The following MYO1E variants were observed in gnomAD, a reference collection of about 807,000 sequenced individuals.
MYO1E encodes the protein unconventional myosin-Ie.
In MYO1E, 68 loss-of-function variants were observed where a neutral mutation model predicts 151.1. The observed-to-expected ratio is 0.45, with a 90% CI of 0.37 to 0.55. The LOEUF (loss-of-function observed/expected upper bound fraction) is 0.55, where lower values mean the gene tolerates loss of function less well. MYO1E is among the 20% of genes least tolerant of loss of function. The pLI, the probability that MYO1E is intolerant of heterozygous loss-of-function variation, is 0.00. For missense variants in MYO1E, 1,363 were observed against 1,389.3 expected, an observed-to-expected ratio of 0.98 and a Z score of 0.30; for synonymous variants, 601 against 501.7, an observed-to-expected ratio of 1.20 and a Z score of -2.64.
intron 1 of MYO1E, among the ~76,000 whole-genome samples, chr15:59,276,812 G>A (rs1040976070): frequency 6.6e-6 from 1 of 152,096 alleles, no homozygotes; most frequent in Non-Finnish European, 1.5e-5. Flanking sequence ...TGTTTACCAG[G>A]GTGGGGACCA....
intron 12 of MYO1E, among the ~76,000 whole-genome samples, chr15:59,212,061 C>G (rs12917112): frequency 6.6e-6 from 1 of 152,138 alleles, no homozygotes; most frequent in African/African-American, 2.4e-5. Flanking sequence ...CACCCAAAGT[C>G]TCAGCCATGC....
At position 59,223,128 on chromosome 15, in the gene MYO1E, C is replaced by A. The variant is rs1280405023; in HGVS notation, c.841G>T (p.Gly281Cys). The A allele has an allele frequency of 1.1e-5, 17 of 1,614,060 alleles. No homozygotes were observed. Among genetic ancestry groups the A allele is most frequent in the Non-Finnish European group, 1.4e-5 (17 of 1,180,040 alleles). Residue 281 changes from glycine to cysteine, a missense_variant, in exon 9 of 28, where the codon GGT (glycine) becomes TGT (cysteine). Coordinates refer to ENST00000288235, the MANE Select transcript of MYO1E (RefSeq NM_004998.4). ...CTGATGTTTCCCAGGTGGAGAATAC[C>A]CGCCACTATCTGCAACACCAGCGTT... ...EQTLVLQIVA[G>C]ILHLGNISFK...
chr15:59,152,601 G>A (rs765974019), intron 26 of MYO1E, among the ~76,000 whole-genome samples: 36 of 152,200 alleles, frequency 2.4e-4, no homozygotes, highest in Non-Finnish European at 4.6e-4. Flanking sequence ...AGAGTTAAGT[G>A]AGCAGACGCC....
chr15:59,271,377 A>G lies in MYO1E; in HGVS notation c.147+929T>C, dbSNP rs554903488. ...CACTTTTTAATAAGTCATCCATGAT[A>G]CCATACTTTCAGAAGGCACTATTGG... On this transcript the variant is annotated intron_variant, in intron 2 of 27. Coordinates refer to ENST00000288235, the MANE Select transcript of MYO1E (RefSeq NM_004998.4). Among the ~76,000 whole-genome samples, 40 of 152,344 alleles carry G rather than the reference A, an allele frequency of 2.6e-4. No individual in the cohort carries two copies. In the South Asian group the frequency reaches 8.3e-3, roughly 32 times the overall value.
chr15:59,314,453 T>C (rs948403728), intron 1 of MYO1E, among the ~76,000 whole-genome samples: 1 of 152,152 alleles, frequency 6.6e-6, no homozygotes, highest in Non-Finnish European at 1.5e-5. Flanking sequence ...CCTGATTCCC[T>C]CTCTGCAGGA....
At chr15:59,186,205 C>T (rs2079696540) in intron 18 of MYO1E, among the ~76,000 whole-genome samples, 1 of 152,098 alleles carries the variant, frequency 6.6e-6, no homozygotes, top group African/African-American at 2.4e-5. Context: ...TATTAGGAAA[C>T]TCAAATGTGG....
chr15:59,181,594 T>C (rs1359873775), intron 18 of MYO1E, among the ~76,000 whole-genome samples: 2 of 152,238 alleles, frequency 1.3e-5, no homozygotes, highest in African/African-American at 4.8e-5. Context: ...CATCTTTTGA[T>C]TTTTGCTCTC....
intron 1 of MYO1E, among the ~76,000 whole-genome samples, chr15:59,294,107 A>C (rs548296587): frequency 6.6e-6 from 1 of 152,338 alleles, no homozygotes; most frequent in African/African-American, 2.4e-5. Flanking sequence ...TTCCCACTGG[A>C]AAGAGCGTCT....
chr15:59,221,254 C>A (rs996907848), intron 9 of MYO1E, among the ~76,000 whole-genome samples: 1 of 151,826 alleles, frequency 6.6e-6, no homozygotes, highest in African/African-American at 2.4e-5. Context: ...CAGGTGATCA[C>A]CTGCCTCAGC....
rs757642502 is a variant in MYO1E, at chr15:59,171,927, T to C, written c.2450A>G (p.Glu817Gly). The change falls in exon 22 of 28, where the codon GAG becomes GGG. Residue 817 changes from glutamate to glycine, a missense_variant. Coordinates refer to ENST00000288235, the MANE Select transcript of MYO1E (RefSeq NM_004998.4). ...GGACACAGACAAGATCCGTTCTATC[T>C]CGATTTTCCGCTTCAGGACTTCTTT... Reference protein sequence around the residue: ...LVKEVLKRKIEIERILSVSLS... With the variant: ...LVKEVLKRKIGIERILSVSLS... 5 of 1,614,060 alleles carry C rather than the reference T, an allele frequency of 3.1e-6. No homozygotes were observed. Among genetic ancestry groups the C allele is most frequent in the Non-Finnish European group, 4.2e-6 (5 of 1,180,042 alleles).
chr15:59,137,401 G>T lies in MYO1E; in HGVS notation c.3306C>A (p.Asn1102Lys). ...RLRGKQGLFPNNYVTKI is the reference protein window; with the variant it reads ...RLRGKQGLFPKNYVTKI ...CACCTCAGATCTTGGTCACATAGTT[G>T]TTGGGGAACAGGCCCTGCTTGCCTC... The change falls in exon 28 of 28, where the codon AAC (asparagine) becomes AAA (lysine). Residue 1102 changes from asparagine (N) to lysine (K), a missense_variant. Transcript: ENST00000288235. 1 of 1,614,166 alleles carries T rather than the reference G, an allele frequency of 6.2e-7. No homozygotes were observed. The highest frequency in any genetic ancestry group is 1.6e-4 in the Middle Eastern group (1 of 6,062).
intron 17 of MYO1E, among the ~76,000 whole-genome samples, chr15:59,188,485 C>G (rs534623817): frequency 1.0e-3 from 152 of 152,152 alleles, no homozygotes; most frequent in Non-Finnish European, 1.5e-3. Context: ...CACCTGAGGT[C>G]AGGAGTTCAA....
rs1199941202 is a variant in MYO1E, at chr15:59,153,719, T to C, written c.2951A>G (p.Asn984Ser). The C allele has an allele frequency of 6.2e-7, 1 of 1,614,134 alleles. No individual in the cohort carries two copies. Among genetic ancestry groups the C allele is most frequent in the African/African-American group, 1.3e-5 (1 of 75,034 alleles). Residue 984 changes from asparagine to serine, a missense_variant, in exon 26 of 28, where the codon AAT (asparagine) becomes AGT (serine). Physicochemically the swap from Asn to Ser is conservative, Grantham distance 46 (BLOSUM62 1). Coordinates refer to ENST00000288235, the MANE Select transcript of MYO1E (RefSeq NM_004998.4). ...CATGGAGGTGTACAGGCTTTTCTGA[T>C]TGGACCTCTGGCTTCCAGGAGCATG... Reference protein sequence around the residue: ...YPHAPGSQRSNQKSLYTSMAR... With the variant: ...YPHAPGSQRSSQKSLYTSMAR...
At chr15:59,343,932 T>G (rs1305345274) in intron 1 of MYO1E, among the ~76,000 whole-genome samples, 1 of 152,174 alleles carries the variant, frequency 6.6e-6, no homozygotes, top group African/African-American at 2.4e-5. Flanking sequence ...TACCTTGAAT[T>G]TGAGTTTCCT....
At chr15:59,310,647 TTG>T (rs1417386115) in intron 1 of MYO1E, among the ~76,000 whole-genome samples, 7 of 152,108 alleles carry the variant, frequency 4.6e-5, no homozygotes, top group African/African-American at 1.7e-4. Context: ...GCCTTCGGAA[TTG>T]TGAGAACACA....
At chr15:59,261,386 A>C in intron 3 of MYO1E, 34 bp downstream of exon 3, 1 of 1,465,546 alleles carries the variant, frequency 6.8e-7, no homozygotes, top group African/African-American at 1.4e-5. Flanking sequence ...AAAAGCCCTA[A>C]ATAAGGCAGT....
chr15:59,320,688 G>A (rs946963569), intron 1 of MYO1E, among the ~76,000 whole-genome samples: 1 of 152,152 alleles, frequency 6.6e-6, no homozygotes, highest in Non-Finnish European at 1.5e-5. Context: ...ATTAACCCAA[G>A]ATGGATTAAA....
chr15:59,267,872 T>C (rs369729080), intron 2 of MYO1E, among the ~76,000 whole-genome samples: 1 of 152,180 alleles, frequency 6.6e-6, no homozygotes, highest in Admixed American at 6.5e-5. Context: ...ATAGGACAAA[T>C]AACTCAAAAA....
intron 18 of MYO1E, among the ~76,000 whole-genome samples, chr15:59,187,390 A>G (rs2079704887): frequency 6.6e-6 from 1 of 152,214 alleles, no homozygotes; most frequent in Admixed American, 6.5e-5. Context: ...ACCATCATGA[A>G]ATACCACTCC....
Sources: gnomAD v4.1 joint callset for allele counts (sites outside exome capture counted in the v4.1 genomes callset) on GRCh38, gnomAD v4.1.1 for gene constraint, MANE v1.5 for transcripts, NCBI Gene and HGNC (gene_info 2026-07-23, HGNC 2026-07-21) for gene names.